Variants in CSMD3 observed in about 807,000 individuals in gnomAD.
CSMD3 encodes CUB and sushi domain-containing protein 3.
A neutral mutation model predicts 435.2 loss-of-function variants in CSMD3; 177 were observed. The observed-to-expected ratio is 0.41, with a 90% CI of 0.36 to 0.46. CSMD3 has a LOEUF of 0.46. Ranked by LOEUF, CSMD3 falls within the 20% of genes least tolerant of loss-of-function variation. The probability of loss-of-function intolerance (pLI) is 0.34; values close to 1 mark genes in which losing one functional copy is unlikely to be tolerated. For synonymous variants in CSMD3, 1,656 were observed against 1,520.5 expected (o/e 1.09, Z -2.07); for missense variants, 4,265 against 4,504.6 (o/e 0.95, Z 1.52).
At chr8:112,965,004 G>GA (rs2084365337) in intron 7 of CSMD3, among the ~76,000 whole-genome samples, 1 of 151,916 alleles carries the variant, frequency 6.6e-6, no homozygotes, top group African/African-American at 2.4e-5. Context: ...ATATGCTCTA[G>GA]AAAACTACAT....
chr8:113,328,735 CTTTTTT>C (rs71281211), intron 1 of CSMD3, among the ~76,000 whole-genome samples: 9 of 57,196 alleles, frequency 1.6e-4, no homozygotes, highest in East Asian at 1.9e-3. Flanking sequence ...TCCTTCTTTT[CTTTTTT>C]TTTTTTTTTT....
At chr8:113,385,316 C>T (rs572560819) in intron 1 of CSMD3, among the ~76,000 whole-genome samples, 99 of 151,920 alleles carry the variant, frequency 6.5e-4, no homozygotes, top group Non-Finnish European at 1.2e-3. Flanking sequence ...ATGAGCATTC[C>T]GGACAAATAA....
chr8:112,643,405 C>G (rs2074890204), intron 20 of CSMD3: 1 of 119,496 alleles, frequency 8.4e-6, no homozygotes, highest in African/African-American at 5.8e-5. Flanking sequence ...TGAAATTTTC[C>G]TTCATGTAAA....
rs186858756 is a variant in CSMD3 at position 113,136,788 on chromosome 8, G to T, written c.709+36934C>A. On this transcript the variant is annotated intron_variant, in intron 4 of 70. Transcript: ENST00000297405. The stretch of plus-strand genomic sequence containing the variant: ...TGTAAGGAGGGATTTTAAGACTGGG[G>T]ATACTGGAGAATGTTCATAGATAGT... 2.6e-5 allele frequency among the ~76,000 whole-genome samples: 4 copies of T among 151,700 alleles called. No homozygotes were observed. The East Asian group carries it at 5.8e-4, about 22-fold the overall frequency.
chr8:112,237,016 C>A (rs1813651196), intron 67 of CSMD3, among the ~76,000 whole-genome samples, 174 bp downstream of exon 67: 3 of 152,060 alleles, frequency 2.0e-5, no homozygotes. Flanking sequence ...TAGTAATATT[C>A]ATTCATCAAT....
intron 41 of CSMD3, among the ~76,000 whole-genome samples, chr8:112,343,179 T>C (rs1184955570): frequency 6.6e-6 from 1 of 151,572 alleles, no homozygotes; most frequent in Non-Finnish European, 1.5e-5. Context: ...AAGTTGGTTT[T>C]CAAAATCAAG....
At chr8:112,277,527 C>A (rs1051342718) in intron 59 of CSMD3, among the ~76,000 whole-genome samples, 3 of 152,176 alleles carry the variant, frequency 2.0e-5, no homozygotes, top group African/African-American at 7.2e-5. Context: ...TTCTCCTGAG[C>A]CCTCCAAACT....
intron 32 of CSMD3, among the ~76,000 whole-genome samples, chr8:112,434,555 T>G (rs2130434437): frequency 6.6e-6 from 1 of 152,230 alleles, no homozygotes; most frequent in African/African-American, 2.4e-5. Flanking sequence ...TTATTAATAT[T>G]TGTACTTTGC....
chr8:113,077,109 T>C (rs1433846294), intron 5 of CSMD3, among the ~76,000 whole-genome samples: 1 of 152,102 alleles, frequency 6.6e-6, no homozygotes, highest in Non-Finnish European at 1.5e-5. Flanking sequence ...GAATTAAATA[T>C]ATATACACAT....
At chr8:113,137,169 G>A (rs1588137593) in intron 4 of CSMD3, among the ~76,000 whole-genome samples, 1 of 151,644 alleles carries the variant, frequency 6.6e-6, no homozygotes, top group African/African-American at 2.4e-5. Context: ...AGTGTATCAA[G>A]TTCTCAGTTG....
chr8:113,040,119 T>C (rs1452993997), intron 5 of CSMD3, among the ~76,000 whole-genome samples: 1 of 152,152 alleles, frequency 6.6e-6, no homozygotes, highest in Non-Finnish European at 1.5e-5. Flanking sequence ...ACCTGTCTGA[T>C]AATGGTCCTA....
chr8:112,707,408 G>A (rs1237416296), intron 13 of CSMD3, among the ~76,000 whole-genome samples: 1 of 148,354 alleles, frequency 6.7e-6, no homozygotes, highest in African/African-American at 2.5e-5. Context: ...ACAACCTCTT[G>A]CAACCTAATA....
chr8:112,838,498 G>A (rs1372694093), intron 11 of CSMD3, among the ~76,000 whole-genome samples: 1 of 151,724 alleles, frequency 6.6e-6, no homozygotes, highest in African/African-American at 2.4e-5. Context: ...TGTGGAAGTA[G>A]GGATGGAGAA....
chr8:112,241,606 G>T, intron 66 of CSMD3, 114 bp downstream of exon 66: 1 of 730,462 alleles, frequency 1.4e-6, no homozygotes, highest in Non-Finnish European at 2.4e-6. Context: ...ATTCAAGACA[G>T]TCATAGTTTT....
intron 1 of CSMD3, among the ~76,000 whole-genome samples, chr8:113,362,384 T>C (rs923399268): frequency 8.5e-5 from 13 of 152,086 alleles, no homozygotes; most frequent in Non-Finnish European, 1.9e-4. Flanking sequence ...ACCTCCAAGA[T>C]CAAAAGTAAG....
intron 1 of CSMD3, among the ~76,000 whole-genome samples, chr8:113,353,156 G>A (rs999062619): frequency 1.3e-5 from 2 of 152,134 alleles, no homozygotes; most frequent in Non-Finnish European, 2.9e-5. Flanking sequence ...TGGATGTGAA[G>A]AGGAAAGGAA....
intron 10 of CSMD3, 82 bp from the exon 11 acceptor site, chr8:112,859,348 T>A (rs1207848705): frequency 8.6e-7 from 1 of 1,160,236 alleles, no homozygotes. Context: ...AAATAGACTT[T>A]ACATTCAAAA....
chr8:112,736,516 T>G (rs2132035468), intron 13 of CSMD3, among the ~76,000 whole-genome samples: 1 of 152,124 alleles, frequency 6.6e-6, no homozygotes, highest in Non-Finnish European at 1.5e-5. Context: ...GTAACATTTC[T>G]CCATTTCACT....
intron 10 of CSMD3, among the ~76,000 whole-genome samples, chr8:112,894,550 G>T (rs965225869): frequency 2.6e-5 from 4 of 151,184 alleles, no homozygotes; most frequent in African/African-American, 9.7e-5. Context: ...AATAGAAAAT[G>T]AAATTAATAA....
Sources: gnomAD v4.1 joint callset for allele counts (sites outside exome capture counted in the v4.1 genomes callset) on GRCh38, gnomAD v4.1.1 for gene constraint, MANE v1.5 for transcripts, NCBI Gene and HGNC (gene_info 2026-07-23, HGNC 2026-07-21) for gene names.